The following CDH13 variants were observed in gnomAD, a reference collection of about 807,000 sequenced individuals.
CDH13 encodes the protein cadherin-13.
In CDH13, 24 loss-of-function variants were observed where a neutral mutation model predicts 63.8. The ratio of observed to expected loss-of-function variants is 0.38; its 90% CI spans 0.27 to 0.53. The LOEUF (loss-of-function observed/expected upper bound fraction) is 0.53, where lower values mean the gene tolerates loss of function less well. Ranked by LOEUF, CDH13 falls within the 20% of genes least tolerant of loss-of-function variation. The pLI, the probability that CDH13 is intolerant of heterozygous loss-of-function variation, is 0.85. For missense variants in CDH13, 1,049 were observed against 903.1 expected (o/e 1.16, Z -2.07); for synonymous variants, 503 against 355.3 (o/e 1.42, Z -4.67).
chr16:83,365,234 A>G (rs1014345335), intron 6 of CDH13, among the ~76,000 whole-genome samples: 3 of 152,160 alleles, frequency 2.0e-5, no homozygotes, highest in African/African-American at 7.2e-5. Context: ...CGCCAGCAGG[A>G]AGGGCCAATG....
In CDH13 at chr16:83,180,832, C is replaced by A. The variant is rs1012090535; in HGVS notation, c.484-36513C>A. 22 of 1,404,434 alleles carry A rather than the reference C, an allele frequency of 1.6e-5. No individual in the cohort carries two copies. In the African/African-American group the frequency reaches 2.9e-4, roughly 19 times the overall value. The allele number at this position is 1,404,434 out of a possible 1,614,324, so 87.0% of individuals were successfully genotyped here. On this transcript the variant is annotated intron_variant, in intron 4 of 13. Coordinates refer to ENST00000567109, the MANE Select transcript of CDH13 (RefSeq NM_001257.5). ...ATTTGTTGGCTTGTTTATTTTAATC[C>A]CCAATTTACAACAAAATGTGTTTTT...
chr16:83,278,666 G>T (rs1421089051), intron 5 of CDH13, among the ~76,000 whole-genome samples: 2 of 152,170 alleles, frequency 1.3e-5, no homozygotes, highest in Non-Finnish European at 2.9e-5. Flanking sequence ...AATGCCGGTT[G>T]AGGTGGCATT....
intron 3 of CDH13, among the ~76,000 whole-genome samples, chr16:83,037,970 G>GGC (rs1211109034): frequency 6.6e-5 from 10 of 152,130 alleles, no homozygotes; most frequent in African/African-American, 2.4e-4. Flanking sequence ...AGGAACTGAG[G>GGC]GCTAAGTGTA....
chr16:83,000,373 C>T (rs375926847), intron 2 of CDH13, among the ~76,000 whole-genome samples: 9 of 149,296 alleles, frequency 6.0e-5, no homozygotes, highest in Non-Finnish European at 8.9e-5. Flanking sequence ...CTCAGCCTCG[C>T]GAGTAGCTGG....
At chr16:83,355,391 G>T (rs2091032691) in intron 6 of CDH13, among the ~76,000 whole-genome samples, 1 of 152,126 alleles carries the variant, frequency 6.6e-6, no homozygotes, top group Non-Finnish European at 1.5e-5. Flanking sequence ...TCTACCTTCA[G>T]TTCTCTTTCT....
intron 7 of CDH13, among the ~76,000 whole-genome samples, chr16:83,550,682 C>G (rs1483620345): frequency 6.6e-6 from 1 of 152,122 alleles, no homozygotes; most frequent in South Asian, 2.1e-4. Flanking sequence ...ATGGAAAGTT[C>G]CATGAGGCCA....
At chr16:83,784,220 G>T (rs1373862612) in intron 13 of CDH13, among the ~76,000 whole-genome samples, 2 of 152,184 alleles carry the variant, frequency 1.3e-5, no homozygotes, top group Admixed American at 6.5e-5. Flanking sequence ...GACAGAAAAA[G>T]AAAACAGAAG....
At chr16:83,582,808 C>G (rs187396469) in intron 7 of CDH13, among the ~76,000 whole-genome samples, 102 of 152,216 alleles carry the variant, frequency 6.7e-4, no homozygotes, top group Non-Finnish European at 1.2e-3. Context: ...AAGCAGAGTC[C>G]GATCAACCGT....
intron 3 of CDH13, among the ~76,000 whole-genome samples, chr16:83,063,779 A>T (rs1281275779): frequency 6.6e-5 from 10 of 152,226 alleles, no homozygotes; most frequent in Admixed American, 3.9e-4. Flanking sequence ...TGTCAGCAGA[A>T]CTGGTTCCTT....
chr16:83,505,216 A>T (rs1357592428), intron 7 of CDH13, among the ~76,000 whole-genome samples: 3 of 152,154 alleles, frequency 2.0e-5, no homozygotes, highest in African/African-American at 4.8e-5. Context: ...CTCCCATTGT[A>T]CCCAGAAGAA....
rs80284192 is a variant in CDH13, at chr16:83,399,187, T to A, written c.781+54181T>A. ...CTCAGATCCTGAACATGCTCCTTTT[T>A]TGGCTATGAGAATTTGGGTCTTAGT... On this transcript the variant is annotated intron_variant, in intron 6 of 13. Transcript: ENST00000567109. Among the ~76,000 whole-genome samples the A allele has an allele frequency of 1.1e-3, 166 of 152,372 alleles. 2 individuals carry two copies. In the East Asian group the frequency reaches 0.025, roughly 23 times the overall value.
rs557573865 is a variant in CDH13 at position 83,040,562 on chromosome 16, C to G, written c.366+8344C>G. 1.9e-3 allele frequency among the ~76,000 whole-genome samples: 294 copies of G among 152,248 alleles called. 1 individual carries two copies. The highest frequency in any genetic ancestry group is 0.017 in the Middle Eastern group (5 of 294). ...TCCAACATGGGAGAAAGATGGAGGCCAGAGACTCAGCCAGTCTGCTCTTTC... is the reference window on the plus strand; with the variant it reads ...TCCAACATGGGAGAAAGATGGAGGCGAGAGACTCAGCCAGTCTGCTCTTTC... On this transcript the variant is annotated intron_variant, in intron 3 of 13. Transcript: ENST00000567109.
At chr16:82,659,970 C>T (rs555497823) in intron 1 of CDH13, among the ~76,000 whole-genome samples, 83 of 152,284 alleles carry the variant, frequency 5.5e-4, no homozygotes, top group Non-Finnish European at 9.6e-4. Flanking sequence ...CATTGAGAAC[C>T]ACTGCTTTAG....
chr16:83,699,041 G>C (rs893295597), intron 10 of CDH13, among the ~76,000 whole-genome samples: 2 of 152,208 alleles, frequency 1.3e-5, no homozygotes, highest in African/African-American at 4.8e-5. Context: ...AGCTCTTTAG[G>C]GGAAGGCCTG....
At chr16:83,126,028 G>T (rs1423622741) in intron 4 of CDH13, among the ~76,000 whole-genome samples, 6 of 152,210 alleles carry the variant, frequency 3.9e-5, no homozygotes, top group Non-Finnish European at 1.5e-5. Flanking sequence ...AATAGTCACT[G>T]TTAAATGTGC....
chr16:83,756,230 A>T (rs1023276257), intron 11 of CDH13, among the ~76,000 whole-genome samples: 1 of 152,262 alleles, frequency 6.6e-6, no homozygotes, highest in African/African-American at 2.4e-5. Flanking sequence ...AAGGTGATAC[A>T]GTAAGTATAT....
intron 1 of CDH13, among the ~76,000 whole-genome samples, chr16:82,853,568 A>C (rs114862070): frequency 0.016 from 2,395 of 152,322 alleles, 70 homozygotes; most frequent in African/African-American, 0.054. Context: ...TACTTGCCCA[A>C]GGATAGCCCG....
At chr16:83,606,591 A>G (rs1052796166) in intron 8 of CDH13, among the ~76,000 whole-genome samples, 1 of 151,588 alleles carries the variant, frequency 6.6e-6, no homozygotes, top group African/African-American at 2.4e-5. Context: ...AAATACAAAA[A>G]TTATCCAGGC....
intron 1 of CDH13, among the ~76,000 whole-genome samples, chr16:82,628,355 C>A (rs999095716): frequency 6.6e-6 from 1 of 152,016 alleles, no homozygotes; most frequent in Admixed American, 6.5e-5. Flanking sequence ...GGTAGAGGCT[C>A]AGGTGAGAGT....
Sources: gnomAD v4.1 joint callset for allele counts (sites outside exome capture counted in the v4.1 genomes callset) on GRCh38, gnomAD v4.1.1 for gene constraint, MANE v1.5 for transcripts, NCBI Gene and HGNC (gene_info 2026-07-23, HGNC 2026-07-21) for gene names.